Variants in LAMC3 observed in about 807,000 individuals in gnomAD.
The protein encoded by LAMC3 is laminin subunit gamma 3.
A neutral mutation model predicts 173.8 loss-of-function variants in LAMC3; 128 were observed. The observed-to-expected ratio is 0.74, with a 90% CI of 0.64 to 0.85. The LOEUF (loss-of-function observed/expected upper bound fraction) is 0.85, where lower values mean the gene tolerates loss of function less well. Among genes scored for constraint, LAMC3 ranks in the 40% least tolerant of loss-of-function variants. LAMC3 has a pLI of 0.00. For synonymous variants in LAMC3, 897 were observed against 909.1 expected (o/e 0.99, Z 0.24); for missense variants, 2,022 against 2,156.0 (o/e 0.94, Z 1.23).
chr9:131,026,546 G>T lies in LAMC3; in HGVS notation c.635G>T (p.Gly212Val). The change falls in exon 2 of 28, where the codon GGC becomes GTC. Residue 212 changes from glycine (G) to valine (V), a missense_variant. Physicochemically the swap from Gly to Val is moderately radical, Grantham distance 109 (BLOSUM62 -3). Coordinates refer to ENST00000361069, the MANE Select transcript of LAMC3 (RefSeq NM_006059.4). This position sits in a 1 kb window ranked among gnomAD's most constrained non-coding sequence, Gnocchi z 4.8. Reference sequence around the variant, plus strand: ...AACGTGGCCTTCTCCACCCTGGAGGGCCGGCCCAGCGCCTACAACTTCGAG... The same window carrying T: ...AACGTGGCCTTCTCCACCCTGGAGGTCCGGCCCAGCGCCTACAACTTCGAG... ...GGNVAFSTLE[G>V]RPSAYNFEES... is the part of the protein sequence containing the mutation. 6.2e-7 allele frequency: 1 copy of T among 1,608,872 alleles called. No individual in the cohort carries two copies.
At chr9:131,039,806 C>T (rs777595928) in intron 6 of LAMC3, among the ~76,000 whole-genome samples, 7 of 151,648 alleles carry the variant, frequency 4.6e-5, no homozygotes, top group South Asian at 2.1e-4. Flanking sequence ...TAGCAGGGCA[C>T]GCAGTGTGGG....
At chr9:131,030,651 C>A (rs1049049329) in intron 2 of LAMC3, among the ~76,000 whole-genome samples, 1 of 152,218 alleles carries the variant, frequency 6.6e-6, no homozygotes, top group Non-Finnish European at 1.5e-5. Flanking sequence ...CCGTGAGGCC[C>A]GAGCCCTAAC....
In LAMC3 at chr9:131,032,265, G is replaced by T. The variant is rs1227958258; in HGVS notation, c.809+90G>T. The stretch of plus-strand genomic sequence containing the variant: ...CTGCTGTGGGGTGGGGGGTGGGGGG[G>T]CACAGAAGCCAGGTGTGCCCCAGGG... On this transcript the variant is annotated intron_variant, in intron 3 of 27. Coordinates refer to ENST00000361069, the MANE Select transcript of LAMC3 (RefSeq NM_006059.4). The T allele has an allele frequency of 1.8e-5, 8 of 442,336 alleles. No homozygotes were observed. The East Asian group carries it at 4.7e-4, about 26-fold the overall frequency. The allele number at this position is 442,336 out of a possible 1,614,324, so 27.4% of individuals were successfully genotyped here.
chr9:131,035,117 T>G (rs1470003317), intron 3 of LAMC3, among the ~76,000 whole-genome samples: 2 of 152,092 alleles, frequency 1.3e-5, no homozygotes, highest in Non-Finnish European at 1.5e-5. Context: ...CACCTGGCTA[T>G]TTTTGTATTT....
At chr9:131,077,051 A>G (rs1830140654) in intron 21 of LAMC3, 136 bp from the exon 22 acceptor site, 2 of 1,169,300 alleles carry the variant, frequency 1.7e-6, no homozygotes, top group Admixed American at 1.8e-5. Flanking sequence ...AGGCAGCTGT[A>G]CCTACCCCGC....
chr9:131,049,957 CG>C (rs1177992246), intron 9 of LAMC3, among the ~76,000 whole-genome samples: 2 of 152,248 alleles, frequency 1.3e-5, no homozygotes, highest in African/African-American at 2.4e-5. Context: ...CCAGCACCCC[CG>C]ACCAGCTCTG....
At chr9:131,015,150 T>C (rs1235015633) in intron 1 of LAMC3, among the ~76,000 whole-genome samples, 1 of 152,228 alleles carries the variant, frequency 6.6e-6, no homozygotes, top group Non-Finnish European at 1.5e-5. Flanking sequence ...TTCAGCTATT[T>C]TGCCCAAGGC....
chr9:131,073,783 C>T (rs1830077086), intron 20 of LAMC3, among the ~76,000 whole-genome samples: 1 of 152,056 alleles, frequency 6.6e-6, no homozygotes, highest in Non-Finnish European at 1.5e-5. Context: ...TGCCATCAGC[C>T]CCCGTTTCTC....
At chr9:131,046,392 C>T (rs1346652355) in intron 8 of LAMC3, among the ~76,000 whole-genome samples, 1 of 150,828 alleles carries the variant, frequency 6.6e-6, no homozygotes, top group Non-Finnish European at 1.5e-5. Flanking sequence ...TTTCTAAAGA[C>T]AGGGTTTTGC....
chr9:131,048,645 C>T (rs1277614163), intron 8 of LAMC3, among the ~76,000 whole-genome samples: 3 of 152,150 alleles, frequency 2.0e-5, no homozygotes, highest in Non-Finnish European at 4.4e-5. Flanking sequence ...CCTTCCTAAC[C>T]AGGTGGCCTC....
chr9:131,073,282 G>A lies in LAMC3; in HGVS notation c.3455G>A (p.Trp1152Ter). Residue 1152 changes from tryptophan to a stop codon, truncating the protein, a stop_gained, in exon 20 of 28, where the codon TGG becomes TAG. Coordinates refer to ENST00000361069, the MANE Select transcript of LAMC3 (RefSeq NM_006059.4). LOFTEE classifies it high-confidence loss of function. ...GAAGGTCCCAGTCAGCCGACCAAAT[G>A]GAGCCACCTGGCCACAGAGGCCCGT... ...PQEGPSQPTKWSHLATEARAL... is the reference protein window; with the variant it reads ...PQEGPSQPTK 6.2e-7 allele frequency: 1 copy of A among 1,613,834 alleles called. No individual in the cohort carries two copies. The highest frequency in any genetic ancestry group is 8.5e-7 in the Non-Finnish European group (1 of 1,179,998).
rs1307621173 is a variant in LAMC3 at position 131,067,213 on chromosome 9, C to T, written c.2593+8C>T. 6.2e-7 allele frequency: 1 copy of T among 1,612,840 alleles called. No homozygotes were observed. Among genetic ancestry groups the T allele is most frequent in the East Asian group, 2.2e-5 (1 of 44,826 alleles). On this transcript the variant is annotated splice_region_variant and intron_variant, in intron 14 of 27. Transcript: ENST00000361069. ...CCGCAGACAAATGCATGCGTGAGTA[C>T]CTACCTCCAGACCCCAGGGTGGCAC...
chr9:131,085,841 C>A (rs1403046357), intron 25 of LAMC3, 118 bp downstream of exon 25: 1 of 902,426 alleles, frequency 1.1e-6, no homozygotes, highest in Non-Finnish European at 1.8e-6. Flanking sequence ...GCTCAGTGGG[C>A]CCAGGCAATT....
intron 21 of LAMC3, among the ~76,000 whole-genome samples, chr9:131,076,717 T>C (rs1401416693): frequency 1.3e-5 from 2 of 152,140 alleles, no homozygotes; most frequent in South Asian, 2.1e-4. Context: ...CACAGGCCTG[T>C]CAGGGCAAAA....
At chr9:131,019,977 C>A (rs1222275805) in intron 1 of LAMC3, among the ~76,000 whole-genome samples, 1 of 152,128 alleles carries the variant, frequency 6.6e-6, no homozygotes, top group East Asian at 1.9e-4. Flanking sequence ...TCAAGAATGA[C>A]ACCGGGACAG....
At position 131,072,760 on chromosome 9, in the gene LAMC3, G is replaced by A. The variant is rs146488483; in HGVS notation, c.3342G>A (p.Gln1114=). Residue 1114 remains glutamine, a synonymous_variant, in exon 19 of 28, where the codon CAG becomes CAA. Coordinates refer to ENST00000361069, the MANE Select transcript of LAMC3 (RefSeq NM_006059.4). ...CCGGATCCCAGAAGACCTGCACCCAGCTGGCAGACCTGGAGGCAGTGCTGG... is the reference window on the plus strand; with the variant it reads ...CCGGATCCCAGAAGACCTGCACCCAACTGGCAGACCTGGAGGCAGTGCTGG... ...AQAGSQKTCT[Q]LADLEAVLES... The A allele has an allele frequency of 6.2e-7, 1 of 1,613,298 alleles. No individual in the cohort carries two copies. The highest frequency in any genetic ancestry group is 1.3e-5 in the African/African-American group (1 of 74,908).
chr9:131,028,498 T>C (rs1006039854), intron 2 of LAMC3, among the ~76,000 whole-genome samples: 1 of 152,344 alleles, frequency 6.6e-6, no homozygotes, highest in African/African-American at 2.4e-5. Context: ...AGTTGCGTTC[T>C]GTCAGCGATG....
At chr9:131,039,870 G>C (rs913709096) in intron 6 of LAMC3, among the ~76,000 whole-genome samples, 1 of 152,016 alleles carries the variant, frequency 6.6e-6, no homozygotes, top group Non-Finnish European at 1.5e-5. Context: ...TTGGTACCTA[G>C]TGGGACAGCT....
Position 131,092,491 on chromosome 9 carries a change from T to A in LAMC3, c.*704T>A, listed in dbSNP as rs1449417529. The stretch of plus-strand genomic sequence containing the variant: ...ACCCTGAGGCCGTGGCCAGGCCTGC[T>A]AGTCTGGCTAGAGCAAGGCCCATTC... On this transcript the variant is annotated 3_prime_UTR_variant, in exon 28 of 28. Transcript: ENST00000361069. 1 of 152,974 alleles carries A rather than the reference T, an allele frequency of 6.5e-6. No homozygotes were observed. The highest frequency in any genetic ancestry group is 1.5e-5 in the Non-Finnish European group (1 of 68,688). The allele number at this position is 152,974 out of a possible 1,614,324, so 9.5% of individuals were successfully genotyped here.
Sources: allele counts gnomAD v4.1 joint callset (sites outside exome capture counted in the v4.1 genomes callset), GRCh38; gene constraint gnomAD v4.1.1; non-coding constraint Gnocchi (gnomAD v3.1); transcripts MANE v1.5; gene names NCBI Gene and HGNC (gene_info 2026-07-23, HGNC 2026-07-21).